The following CATSPERE variants were observed in gnomAD, a reference collection of about 807,000 sequenced individuals.
CATSPERE encodes catsper channel auxiliary subunit epsilon.
Under a neutral mutation model 114.1 loss-of-function variants are expected in CATSPERE, and 93 were observed. That is an observed-to-expected ratio of 0.81 (90% CI 0.69 to 0.97). The LOEUF (loss-of-function observed/expected upper bound fraction) is 0.97. Among genes scored for constraint, CATSPERE ranks in the 50% least tolerant of loss-of-function variants. CATSPERE has a pLI of 0.00. For missense variants in CATSPERE, 1,058 were observed against 1,131.6 expected, an observed-to-expected ratio of 0.93 and a Z score of 0.93; for synonymous variants, 341 against 384.1, an observed-to-expected ratio of 0.89 and a Z score of 1.31.
intron 8 of CATSPERE, among the ~76,000 whole-genome samples, chr1:244,544,973 G>A (rs1659489625): frequency 6.6e-6 from 1 of 152,160 alleles, no homozygotes; most frequent in Non-Finnish European, 1.5e-5. Flanking sequence ...TACCTCAAGG[G>A]TATATCAATT....
intron 13 of CATSPERE, among the ~76,000 whole-genome samples, chr1:244,585,821 G>C (rs1666939251): frequency 6.6e-6 from 1 of 152,216 alleles, no homozygotes; most frequent in Admixed American, 6.5e-5. Context: ...GCTCCAACAA[G>C]GCTGCATCTC....
At position 244,516,765 on chromosome 1, in the gene CATSPERE, A is replaced by G. The variant is rs186877609; in HGVS notation, c.430-1827A>G. Reference sequence around the variant, plus strand: ...TCGAACTCTTGACTTCAGGTGATCCACCTACGTTGGCCTCCCGAAGTGCTG... The same window carrying G: ...TCGAACTCTTGACTTCAGGTGATCCGCCTACGTTGGCCTCCCGAAGTGCTG... On this transcript the variant is annotated intron_variant, in intron 7 of 21. Transcript: ENST00000366534. Among the ~76,000 whole-genome samples, 427 of 152,084 alleles carry G rather than the reference A, an allele frequency of 2.8e-3. 12 individuals carry two copies. Among genetic ancestry groups the G allele is most frequent in the African/African-American group, 9.9e-3 (410 of 41,404 alleles).
chr1:244,456,426 T>G (rs1478528598), upstream of CATSPERE, among the ~76,000 whole-genome samples: 1 of 152,044 alleles, frequency 6.6e-6, no homozygotes, highest in East Asian at 1.9e-4. Flanking sequence ...TGTGTGATGT[T>G]TATATATAAA....
At chr1:244,490,133 G>A (rs1191488855) in intron 5 of CATSPERE, among the ~76,000 whole-genome samples, 1 of 152,140 alleles carries the variant, frequency 6.6e-6, no homozygotes, top group Non-Finnish European at 1.5e-5. Context: ...TGAGGACTTT[G>A]AAATATTCAT....
chr1:244,470,170 A>G (rs1668251437), intron 2 of CATSPERE, among the ~76,000 whole-genome samples: 1 of 152,230 alleles, frequency 6.6e-6, no homozygotes, highest in South Asian at 2.1e-4. Flanking sequence ...AACAAAAGAA[A>G]AAATAGATAA....
At chr1:244,606,413 G>A (rs1422871113) in intron 18 of CATSPERE, among the ~76,000 whole-genome samples, 1 of 150,734 alleles carries the variant, frequency 6.6e-6, no homozygotes, top group Non-Finnish European at 1.5e-5. Flanking sequence ...TACCAGCACT[G>A]ATTTCTAATA....
chr1:244,618,346 C>G (rs1255964618), intron 20 of CATSPERE, among the ~76,000 whole-genome samples: 1 of 152,116 alleles, frequency 6.6e-6, no homozygotes, highest in Non-Finnish European at 1.5e-5. Context: ...AGGAAGGAGA[C>G]AAACTTACAG....
intron 8 of CATSPERE, among the ~76,000 whole-genome samples, chr1:244,527,193 G>A (rs187926818): frequency 6.6e-5 from 10 of 152,248 alleles, no homozygotes; most frequent in East Asian, 5.8e-4. Flanking sequence ...TAATTTCCTC[G>A]TCCTAATAAG....
chr1:244,515,211 A>G (rs1345607860), intron 7 of CATSPERE: 2 of 374,756 alleles, frequency 5.3e-6, no homozygotes, highest in Non-Finnish European at 7.4e-6. Context: ...TTTCCTGTCA[A>G]TTCCTCAAGC....
chr1:244,528,389 C>T (rs1327713076), intron 8 of CATSPERE, among the ~76,000 whole-genome samples: 1 of 151,998 alleles, frequency 6.6e-6, no homozygotes, highest in Non-Finnish European at 1.5e-5. Context: ...ATGATAAAAG[C>T]AAATCATAGA....
intron 17 of CATSPERE, among the ~76,000 whole-genome samples, chr1:244,602,818 T>C (rs765107414): frequency 6.6e-6 from 1 of 152,020 alleles, no homozygotes; most frequent in Non-Finnish European, 1.5e-5. Context: ...TCAGGTACGG[T>C]AAGATATACA....
chr1:244,490,178 G>C lies in CATSPERE; in HGVS notation c.327-269G>C, dbSNP rs1477220666. On this transcript the variant is annotated intron_variant, in intron 5 of 21. Transcript: ENST00000366534. ...TCAAGGTCATTATTAATCTTAGCGT[G>C]AGCGGTTTTGGTGATGTTATTGAGG... Among the ~76,000 whole-genome samples the C allele has an allele frequency of 4.6e-5, 7 of 152,084 alleles. No homozygotes were observed. In the East Asian group the frequency reaches 1.2e-3, roughly 25 times the overall value.
Position 244,607,792 on chromosome 1 carries a change from A to G in CATSPERE, c.2403+1998A>G, listed in dbSNP as rs1670191410. The stretch of plus-strand genomic sequence containing the variant: ...CCGTCAGAACCATCTAACCAGGGAC[A>G]TCTGCACTGGGCTATATGTGATCAA... On this transcript the variant is annotated intron_variant, in intron 18 of 21. Transcript: ENST00000366534. The surrounding 1 kb of genome is among the most constrained non-coding windows in gnomAD (Gnocchi z 4.4). Among the ~76,000 whole-genome samples the G allele has an allele frequency of 6.6e-6, 1 of 152,222 alleles. No individual in the cohort carries two copies. Among genetic ancestry groups the G allele is most frequent in the African/African-American group, 2.4e-5 (1 of 41,464 alleles).
chr1:244,476,647 A>G (rs1669401860), intron 2 of CATSPERE, among the ~76,000 whole-genome samples: 1 of 152,232 alleles, frequency 6.6e-6, no homozygotes, highest in African/African-American at 2.4e-5. Flanking sequence ...GTATGTGTAT[A>G]TAATTTTGTG....
rs184755109 is a variant in CATSPERE, at chr1:244,543,288, A to G, written c.537-9034A>G. On this transcript the variant is annotated intron_variant, in intron 8 of 21. Coordinates refer to ENST00000366534, the MANE Select transcript of CATSPERE (RefSeq NM_001130957.2). Reference sequence around the variant, plus strand: ...TGTGATATATATATACACACAGTGGAATACTATTCAGCCTTCTAAAAAGAA... The same window carrying G: ...TGTGATATATATATACACACAGTGGGATACTATTCAGCCTTCTAAAAAGAA... 1.2e-3 allele frequency among the ~76,000 whole-genome samples: 190 copies of G among 152,262 alleles called. 1 individual carries two copies. The highest frequency in any genetic ancestry group is 1.8e-3 in the Admixed American group (27 of 15,276).
intron 6 of CATSPERE, among the ~76,000 whole-genome samples, chr1:244,496,157 T>C (rs968061784): frequency 1.1e-4 from 17 of 152,128 alleles, no homozygotes; most frequent in African/African-American, 3.4e-4. Flanking sequence ...AACCAATCGT[T>C]TAAACTAAAC....
At chr1:244,561,170 A>G in intron 10 of CATSPERE, 25 bp downstream of exon 10, 3 of 1,390,570 alleles carry the variant, frequency 2.2e-6, no homozygotes, top group Non-Finnish European at 2.0e-6. Context: ...GTCCACTAAC[A>G]TTATTCTAGA....
chr1:244,525,290 G>C (rs983842506), intron 8 of CATSPERE, among the ~76,000 whole-genome samples: 3 of 141,738 alleles, frequency 2.1e-5, no homozygotes, highest in African/African-American at 8.1e-5. Context: ...ATTGAACAAT[G>C]AGAACACATG....
chr1:244,495,733 A>T (rs1672981036), intron 6 of CATSPERE, among the ~76,000 whole-genome samples: 1 of 152,074 alleles, frequency 6.6e-6, no homozygotes, highest in Admixed American at 6.6e-5. Context: ...AAATAATAAT[A>T]ATAATAAAAT....
Sources: allele counts gnomAD v4.1 joint callset (sites outside exome capture counted in the v4.1 genomes callset), GRCh38; gene constraint gnomAD v4.1.1; non-coding constraint Gnocchi (gnomAD v3.1); transcripts MANE v1.5; gene names NCBI Gene and HGNC (gene_info 2026-07-23, HGNC 2026-07-21).